The following IFT80 variants were observed in gnomAD, a reference collection of about 807,000 sequenced individuals.
IFT80 encodes the protein intraflagellar transport 80.
In IFT80, 79 loss-of-function variants were observed where a neutral mutation model predicts 107.9. The observed-to-expected ratio is 0.73, with a 90% CI of 0.61 to 0.88. The LOEUF (loss-of-function observed/expected upper bound fraction) is 0.88, where lower values mean the gene tolerates loss of function less well. Among genes scored for constraint, IFT80 ranks in the 40% least tolerant of loss-of-function variants. IFT80 has a pLI of 0.00. For synonymous variants in IFT80, 299 were observed against 300.9 expected (o/e 0.99, Z 0.07); for missense variants, 797 against 914.2 (o/e 0.87, Z 1.65).
intron 19 of IFT80, 100 bp from the exon 20 acceptor site, chr3:160,258,735 C>CCAAAAGATTAGAGAAAAAGAGAGCAT (rs1200253371): frequency 7.2e-7 from 1 of 1,382,538 alleles, no homozygotes; most frequent in Non-Finnish European, 9.9e-7. Context: ...TGTGTGACTT[C>CCAAAAGATTAGAGAAAAAGAGAGCAT]CAAAAGATTA....
At chr3:160,376,008 T>C (rs1362684434) in intron 4 of IFT80, 128 bp from the exon 5 acceptor site, 5 of 657,616 alleles carry the variant, frequency 7.6e-6, no homozygotes, top group Non-Finnish European at 1.4e-5. Context: ...CCTGAAATCA[T>C]GGAATATTAC....
At chr3:160,319,697 A>G in intron 9 of IFT80, 63 bp downstream of exon 9, 1 of 1,301,498 alleles carries the variant, frequency 7.7e-7, no homozygotes, top group Non-Finnish European at 1.1e-6. Flanking sequence ...ATAATTCCAT[A>G]TTCTGTACAG....
In IFT80 at chr3:160,298,318, T is replaced by G. The variant is rs117661296; in HGVS notation, c.1315+2565A>C. Among the ~76,000 whole-genome samples, 25 of 152,286 alleles carry G rather than the reference T, an allele frequency of 1.6e-4. No individual in the cohort carries two copies. In the East Asian group the frequency reaches 4.4e-3, roughly 27 times the overall value. Reference sequence around the variant, plus strand: ...TATTTAGCCATCAATAAATGCTAATTTTTTTAAAAAAGGAACATACAAAAT... The same window carrying G: ...TATTTAGCCATCAATAAATGCTAATGTTTTTAAAAAAGGAACATACAAAAT... On this transcript the variant is annotated intron_variant, in intron 12 of 19. Transcript: ENST00000326448.
intron 10 of IFT80, among the ~76,000 whole-genome samples, chr3:160,304,687 T>G (rs962334644): frequency 1.4e-4 from 21 of 152,170 alleles, no homozygotes; most frequent in Admixed American, 1.1e-3. Context: ...CACCCGCCTC[T>G]GCCTCCCAAA....
intron 12 of IFT80, 29 bp downstream of exon 12, chr3:160,300,854 G>T: frequency 1.3e-6 from 2 of 1,545,442 alleles, no homozygotes; most frequent in South Asian, 1.2e-5. Context: ...TTTCATATTT[G>T]ACAGGAAAAA....
intron 13 of IFT80, among the ~76,000 whole-genome samples, chr3:160,282,943 A>G (rs995479658): frequency 9.2e-5 from 14 of 152,164 alleles, no homozygotes; most frequent in African/African-American, 3.4e-4. Context: ...GGCAATTCTG[A>G]GTATCATATG....
chr3:160,346,619 G>C lies in IFT80; in HGVS notation c.777+9394C>G, dbSNP rs546048160. Among the ~76,000 whole-genome samples, 16 of 151,946 alleles carry C rather than the reference G, an allele frequency of 1.1e-4. No individual in the cohort carries two copies. In the East Asian group the frequency reaches 2.9e-3, roughly 28 times the overall value. On this transcript the variant is annotated intron_variant, in intron 8 of 19. Coordinates refer to ENST00000326448, the MANE Select transcript of IFT80 (RefSeq NM_020800.3). ...CAAGGCTTGCATTGTTGCTTGTTGA[G>C]GGCTCAGTTAACTGTCTATTTACTG...
At chr3:160,329,761 G>C (rs1487126425) in intron 8 of IFT80, among the ~76,000 whole-genome samples, 1 of 152,032 alleles carries the variant, frequency 6.6e-6, no homozygotes, top group African/African-American at 2.4e-5. Context: ...CTGTTTCTTG[G>C]GGGGGTCTTC....
chr3:160,357,870 C>T (rs1048546849), intron 6 of IFT80, among the ~76,000 whole-genome samples: 21 of 152,140 alleles, frequency 1.4e-4, no homozygotes, highest in African/African-American at 3.6e-4. Flanking sequence ...TATTTCAAGC[C>T]GGACATTTGT....
intron 18 of IFT80, among the ~76,000 whole-genome samples, chr3:160,271,206 G>T (rs1713781457): frequency 6.6e-6 from 1 of 152,030 alleles, no homozygotes; most frequent in Non-Finnish European, 1.5e-5. Flanking sequence ...TCCACATTTA[G>T]GAGGGAACTT....
intron 7 of IFT80, 140 bp from the exon 8 acceptor site, chr3:160,356,290 A>T (rs758873040): frequency 5.8e-6 from 4 of 692,204 alleles, no homozygotes; most frequent in Middle Eastern, 4.0e-4. Flanking sequence ...TAAGGTAGTA[A>T]ATAAAAATTT....
At chr3:160,384,498 A>G in intron 2 of IFT80, 66 bp downstream of exon 2, 1 of 1,387,562 alleles carries the variant, frequency 7.2e-7, no homozygotes, top group African/African-American at 1.5e-5. Context: ...GATATAAAAT[A>G]GAGAAACTTT....
chr3:160,262,017 T>G (rs1712882084), intron 19 of IFT80, among the ~76,000 whole-genome samples: 1 of 152,180 alleles, frequency 6.6e-6, no homozygotes, highest in African/African-American at 2.4e-5. Context: ...TGCTTCTTTC[T>G]TTCTCTCTCT....
At chr3:160,345,693 C>CAAAAAAAAA (rs75389794) in intron 8 of IFT80, among the ~76,000 whole-genome samples, 1 of 74,910 alleles carries the variant, frequency 1.3e-5, no homozygotes, top group Non-Finnish European at 2.4e-5. Context: ...GACTCTGTCT[C>CAAAAAAAAA]AAAAAAAAAA....
chr3:160,271,760 G>A (rs1451132758), intron 18 of IFT80, among the ~76,000 whole-genome samples: 1 of 152,074 alleles, frequency 6.6e-6, no homozygotes, highest in East Asian at 1.9e-4. Flanking sequence ...GCAATCTAAT[G>A]TATTTAGCAT....
chr3:160,380,393 T>C (rs1712384226), intron 3 of IFT80, among the ~76,000 whole-genome samples: 1 of 152,032 alleles, frequency 6.6e-6, no homozygotes, highest in East Asian at 1.9e-4. Flanking sequence ...CACGAGATAC[T>C]GAGGAAGAAG....
intron 19 of IFT80, among the ~76,000 whole-genome samples, chr3:160,267,418 T>C (rs1296222523): frequency 2.0e-5 from 3 of 152,168 alleles, no homozygotes; most frequent in Non-Finnish European, 4.4e-5. Context: ...AGAGGCTGTA[T>C]CTGATTTTAA....
Position 160,377,497 on chromosome 3 carries a change from AC to A in IFT80, c.302del (p.Ser101MetfsTer2). ...GTACTGCTCCACAGTGAGCTTCTAC[AC>A]TTTTTTCCACTCTTCCTAACTTGGA... ...LISKLGRVEK[S>X]VEAHCGAVLA... is the part of the protein sequence containing the mutation. On this transcript the variant is annotated frameshift_variant, in exon 4 of 20. Coordinates refer to ENST00000326448, the MANE Select transcript of IFT80 (RefSeq NM_020800.3). LOFTEE classifies it high-confidence loss of function. 6.2e-7 allele frequency: 1 copy of A among 1,609,776 alleles called. No individual in the cohort carries two copies. The highest frequency in any genetic ancestry group is 8.5e-7 in the Non-Finnish European group (1 of 1,177,244).
In IFT80 at chr3:160,367,901, A is replaced by G. The variant is rs141093792; in HGVS notation, c.440-1749T>C. ...TACGGCAGTAAATAATCTGTTTTCC[A>G]CTTGCCCGGCCCAGCTGCCTAGTCA... is the stretch of plus-strand genomic sequence containing the variant. On this transcript the variant is annotated intron_variant, in intron 5 of 19. Transcript: ENST00000326448. Among the ~76,000 whole-genome samples the G allele has an allele frequency of 7.9e-5, 12 of 152,078 alleles. No homozygotes were observed. The East Asian group carries it at 2.3e-3, about 29-fold the overall frequency.
Sources: allele counts gnomAD v4.1 joint callset (sites outside exome capture counted in the v4.1 genomes callset), GRCh38; gene constraint gnomAD v4.1.1; transcripts MANE v1.5; gene names NCBI Gene and HGNC (gene_info 2026-07-23, HGNC 2026-07-21).